ARMH3: variants seen among roughly 807,000 people sequenced by gnomAD.
ARMH3 encodes armadillo like helical domain containing 3, also known as armadillo-like helical domain-containing protein 3.
ARMH3 carries 60 observed loss-of-function variants against 99.1 expected under a neutral mutation model. That is an observed-to-expected ratio of 0.61 (90% CI 0.49 to 0.75). ARMH3 has a LOEUF of 0.75. Ranked by LOEUF, ARMH3 falls within the 30% of genes least tolerant of loss-of-function variation. The pLI is 0.00. For synonymous variants in ARMH3, 285 were observed against 292.8 expected, an observed-to-expected ratio of 0.97 and a Z score of 0.27; for missense variants, 679 against 843.1, an observed-to-expected ratio of 0.81 and a Z score of 2.41.
At chr10:101,934,553 C>T (rs1379231099) in intron 23 of ARMH3, among the ~76,000 whole-genome samples, 1 of 152,086 alleles carries the variant, frequency 6.6e-6, no homozygotes, top group African/African-American at 2.4e-5. Context: ...AATACATTAA[C>T]CATAGTTAAA....
At chr10:101,901,515 G>A (rs1223600474) in intron 23 of ARMH3, among the ~76,000 whole-genome samples, 2 of 152,176 alleles carry the variant, frequency 1.3e-5, no homozygotes, top group African/African-American at 4.8e-5. Flanking sequence ...CCACTGAGAC[G>A]TGGCGTTACT....
intron 19 of ARMH3, among the ~76,000 whole-genome samples, chr10:101,987,363 G>A (rs1165394078): frequency 6.6e-6 from 1 of 152,146 alleles, no homozygotes; most frequent in Admixed American, 6.5e-5. Context: ...TCATGACTCA[G>A]GTCAAATGCA....
chr10:101,854,520 C>T (rs2066686019), intron 24 of ARMH3, among the ~76,000 whole-genome samples: 1 of 152,116 alleles, frequency 6.6e-6, no homozygotes, highest in African/African-American at 2.4e-5. Context: ...ACAAGGAATA[C>T]ACAAATGGCC....
chr10:101,886,821 C>T (rs1224776851), intron 24 of ARMH3, among the ~76,000 whole-genome samples: 2 of 152,108 alleles, frequency 1.3e-5, no homozygotes, highest in African/African-American at 4.8e-5. Context: ...TAGGAAAGTG[C>T]CCTGTCTTCT....
chr10:101,977,057 T>A lies in ARMH3; in HGVS notation c.1407-1757A>T, dbSNP rs187848019. 2.6e-3 allele frequency among the ~76,000 whole-genome samples: 403 copies of A among 152,298 alleles called. 1 individual carries two copies. The highest frequency in any genetic ancestry group is 0.01 in the Middle Eastern group (3 of 294). On this transcript the variant is annotated intron_variant, in intron 19 of 25. Transcript: ENST00000370033. The stretch of plus-strand genomic sequence containing the variant: ...ATTAAAAGTTAAATTAAAAATGCAG[T>A]TTGTCAGTTGTGCTAACCACCTTTC...
chr10:102,016,193 T>A (rs894209398), intron 8 of ARMH3, among the ~76,000 whole-genome samples: 1 of 152,180 alleles, frequency 6.6e-6, no homozygotes, highest in Non-Finnish European at 1.5e-5. Context: ...GATTTTTTTT[T>A]AACATTTTGG....
At chr10:101,931,693 G>A (rs1843728526) in intron 23 of ARMH3, among the ~76,000 whole-genome samples, 1 of 152,104 alleles carries the variant, frequency 6.6e-6, no homozygotes, top group African/African-American at 2.4e-5. Flanking sequence ...TGAGGCAGGA[G>A]GATCAATTGA....
rs61122631 is a variant in ARMH3 at position 101,909,463 on chromosome 10, C to CTTTTT, written c.1782-19978_1782-19974dup. Among the ~76,000 whole-genome samples the CTTTTT allele has an allele frequency of 4.3e-3, 307 of 71,724 alleles. 7 individuals are homozygous for CTTTTT. The highest frequency in any genetic ancestry group is 5.2e-3 in the East Asian group (10 of 1,910). The allele number at this position is 71,724 out of a possible 152,430, so 47.1% of individuals were successfully genotyped here. ...GAGGAAGGTATGTTGCAAGCTTCCT[C>CTTTTT]TTTTTTTTTTTTTTTTTTTTTTTTG... On this transcript the variant is annotated intron_variant, in intron 23 of 25. Coordinates refer to ENST00000370033, the MANE Select transcript of ARMH3 (RefSeq NM_024541.3).
At chr10:101,960,813 C>T (rs1382527604) in intron 20 of ARMH3, among the ~76,000 whole-genome samples, 1 of 150,770 alleles carries the variant, frequency 6.6e-6, no homozygotes, top group Non-Finnish European at 1.5e-5. Context: ...TCGCTTGAAC[C>T]TGGAAGGCGG....
chr10:101,892,644 T>C (rs746762934), intron 23 of ARMH3, among the ~76,000 whole-genome samples: 2 of 152,174 alleles, frequency 1.3e-5, no homozygotes, highest in South Asian at 4.1e-4. Context: ...CCAGCACTTA[T>C]CATAGTACCT....
At chr10:102,001,275 G>A (rs1268501302) in intron 15 of ARMH3, among the ~76,000 whole-genome samples, 1 of 151,992 alleles carries the variant, frequency 6.6e-6, no homozygotes, top group Non-Finnish European at 1.5e-5. Context: ...AAAGAAAAAT[G>A]CTAAGTAGGG....
intron 15 of ARMH3, among the ~76,000 whole-genome samples, chr10:102,001,642 T>C (rs903022611): frequency 6.6e-6 from 1 of 152,226 alleles, no homozygotes; most frequent in Non-Finnish European, 1.5e-5. Context: ...GGGAATTCCC[T>C]GAAGCGTGCT....
intron 19 of ARMH3, among the ~76,000 whole-genome samples, chr10:101,988,239 C>T (rs535699361): frequency 1.1e-4 from 17 of 152,296 alleles, no homozygotes; most frequent in Non-Finnish European, 2.1e-4. Flanking sequence ...CAGAATAACC[C>T]TGGGCAAAGT....
intron 23 of ARMH3, 122 bp from the exon 24 acceptor site, chr10:101,889,612 G>C: frequency 1.1e-6 from 1 of 877,776 alleles, no homozygotes; most frequent in Non-Finnish European, 1.9e-6. Context: ...TTGTGACTGG[G>C]TAACTTCCTC....
intron 23 of ARMH3, among the ~76,000 whole-genome samples, chr10:101,906,603 C>CA (rs1188985301): frequency 1.3e-5 from 2 of 152,160 alleles, no homozygotes; most frequent in Admixed American, 6.5e-5. Context: ...GGGTAGCAGA[C>CA]AGAGAATTTA....
At chr10:102,009,834 CA>C in intron 12 of ARMH3, 142 bp downstream of exon 12, 1 of 849,984 alleles carries the variant, frequency 1.2e-6, no homozygotes, top group Non-Finnish European at 1.8e-6. Context: ...CATTAATGTT[CA>C]AAACCCATGA....
intron 24 of ARMH3, among the ~76,000 whole-genome samples, chr10:101,885,533 G>T (rs1048100434): frequency 2.0e-5 from 3 of 152,156 alleles, no homozygotes; most frequent in African/African-American, 7.2e-5. Context: ...TGTCACAAAA[G>T]TCCAAATACT....
intron 15 of ARMH3, among the ~76,000 whole-genome samples, chr10:101,998,731 G>A (rs981833538): frequency 2.0e-5 from 3 of 152,094 alleles, no homozygotes; most frequent in African/African-American, 7.2e-5. Flanking sequence ...TTGCCTTTCA[G>A]CTCCATTCTT....
intron 24 of ARMH3, among the ~76,000 whole-genome samples, chr10:101,863,161 C>T (rs2066913532): frequency 6.6e-6 from 1 of 152,196 alleles, no homozygotes; most frequent in Admixed American, 6.5e-5. Flanking sequence ...CAAGATCACG[C>T]CACTGCACTC....
Sources: allele counts gnomAD v4.1 joint callset (sites outside exome capture counted in the v4.1 genomes callset), GRCh38; gene constraint gnomAD v4.1.1; transcripts MANE v1.5; gene names NCBI Gene and HGNC (gene_info 2026-07-23, HGNC 2026-07-21).